The following CHLSN variants were observed in gnomAD, a reference collection of about 807,000 sequenced individuals.
CHLSN encodes protein cholesin.
At chr7:1,131,883 T>G in the CHLSN span, among the ~76,000 whole-genome samples, 2 of 152,250 alleles carry the variant, frequency 1.3e-5, no homozygotes, top group Non-Finnish European at 2.9e-5. Context: ...AGCTTTGAGA[T>G]AATGAATGTT....
At chr7:1,013,961 G>A in the CHLSN span, among the ~76,000 whole-genome samples, 22 of 152,348 alleles carry the variant, frequency 1.4e-4, no homozygotes, top group East Asian at 4.2e-3. Flanking sequence ...GCTTTACGCA[G>A]GACCTGCACC....
chr7:984,386 C>T, the CHLSN span: 45 of 1,542,924 alleles, frequency 2.9e-5, no homozygotes, highest in Admixed American at 2.0e-4. Flanking sequence ...GAGGGCTGCC[C>T]GGGTGACCCC....
the CHLSN span, chr7:997,675 G>T: frequency 5.6e-6 from 9 of 1,607,268 alleles, no homozygotes; most frequent in African/African-American, 1.3e-5. Context: ...CTCCCCGGCA[G>T]GGGGGGATCA....
the CHLSN span, among the ~76,000 whole-genome samples, chr7:1,081,461 G>A: frequency 9.3e-4 from 141 of 152,368 alleles, no homozygotes; most frequent in African/African-American, 3.2e-3. Flanking sequence ...GTACAAACAC[G>A]GCGGGCTCGA....
At chr7:1,114,384 G>A in the CHLSN span, among the ~76,000 whole-genome samples, 2 of 152,238 alleles carry the variant, frequency 1.3e-5, no homozygotes, top group Non-Finnish European at 2.9e-5. Flanking sequence ...AGGCAAATGC[G>A]CCCCTGTCAC....
chr7:981,638 C>T, the CHLSN span, among the ~76,000 whole-genome samples: 1 of 152,234 alleles, frequency 6.6e-6, no homozygotes, highest in East Asian at 1.9e-4. Context: ...CGCTCCAACC[C>T]GGGAGGCGGA....
the CHLSN span, among the ~76,000 whole-genome samples, chr7:1,112,973 T>C: frequency 1.3e-5 from 2 of 152,038 alleles, 1 homozygote; most frequent in Admixed American, 1.3e-4. Context: ...CAAATGTTCT[T>C]TGCACCGTGG....
the CHLSN span, chr7:1,000,579 G>T: frequency 6.4e-7 from 1 of 1,574,082 alleles, no homozygotes; most frequent in Non-Finnish European, 8.7e-7. Context: ...AACATCTCAG[G>T]GTGCTGGGCA....
the CHLSN span, among the ~76,000 whole-genome samples, chr7:1,030,907 G>A: frequency 5.3e-5 from 8 of 152,144 alleles, no homozygotes; most frequent in East Asian, 1.9e-4. Context: ...TTACTGCACC[G>A]GCACATCCAA....
At chr7:1,096,278 C>T in the CHLSN span, among the ~76,000 whole-genome samples, 1 of 152,230 alleles carries the variant, frequency 6.6e-6, no homozygotes, top group Non-Finnish European at 1.5e-5. This position sits in a 1 kb window ranked among gnomAD's most constrained non-coding sequence, Gnocchi z 4.6. Flanking sequence ...GACTCTTGAC[C>T]TGTGAAGCTG....
chr7:1,008,826 A>G, the CHLSN span, among the ~76,000 whole-genome samples: 2 of 44,220 alleles, frequency 4.5e-5, no homozygotes, highest in Non-Finnish European at 9.3e-5. Context: ...GCACATATAC[A>G]CAACGTGTAT....
the CHLSN span, among the ~76,000 whole-genome samples, chr7:990,803 G>A: frequency 2.6e-5 from 4 of 152,004 alleles, no homozygotes; most frequent in East Asian, 1.9e-4. Flanking sequence ...GGGTCCTGGC[G>A]CCAGGTGGGG....
At chr7:987,606 G>T in the CHLSN span, 2 of 1,361,558 alleles carry the variant, frequency 1.5e-6, no homozygotes, top group East Asian at 5.1e-5. Context: ...GCACTGGGAC[G>T]GCTGAGCGTC....
chr7:1,127,189 C>A, the CHLSN span: 7 of 1,508,230 alleles, frequency 4.6e-6, no homozygotes, highest in African/African-American at 1.4e-5. Context: ...GAGCCACCCC[C>A]TCTCCCTCCA....
the CHLSN span, chr7:988,194 C>A: frequency 1.4e-6 from 2 of 1,445,840 alleles, no homozygotes; most frequent in South Asian, 1.3e-5. Flanking sequence ...GCAGGAGCTA[C>A]ATCCTGGAAT....
At chr7:984,444 G>A in the CHLSN span, 2 of 1,549,294 alleles carry the variant, frequency 1.3e-6, no homozygotes, top group East Asian at 2.4e-5. Context: ...TGTTCACCGT[G>A]CACCTGGGGC....
At chr7:979,817 GGGGCGCGCCCAGTCACTGAGGCA>G in the CHLSN span, among the ~76,000 whole-genome samples, 3 of 152,112 alleles carry the variant, frequency 2.0e-5, no homozygotes, top group African/African-American at 7.2e-5. Context: ...ATTCTTCCAG[GGGGCGCGCCCAGTCACTGAGGCA>G]GGGCGCACAC....
chr7:1,108,706 T>G, the CHLSN span, among the ~76,000 whole-genome samples: 1 of 152,064 alleles, frequency 6.6e-6, no homozygotes, highest in Non-Finnish European at 1.5e-5. Context: ...GCCGCCTGAG[T>G]GTCTGAGATC....
the CHLSN span, among the ~76,000 whole-genome samples, chr7:1,031,245 G>A: frequency 2.0e-5 from 3 of 152,238 alleles, no homozygotes; most frequent in Non-Finnish European, 4.4e-5. Flanking sequence ...GCTATGCTGA[G>A]GCTGTAATAA....
Sources: allele counts gnomAD v4.1 joint callset (sites outside exome capture counted in the v4.1 genomes callset), GRCh38; gene constraint gnomAD v4.1.1; non-coding constraint Gnocchi (gnomAD v3.1); transcripts MANE v1.5; gene names NCBI Gene and HGNC (gene_info 2026-07-23, HGNC 2026-07-21).